Variants in GPC5 observed in about 807,000 individuals in gnomAD.
The protein encoded by GPC5 is glypican-5.
In GPC5, 47 loss-of-function variants were observed where a neutral mutation model predicts 53.9. The ratio of observed to expected loss-of-function variants is 0.87; its 90% CI spans 0.69 to 1.11. The LOEUF is 1.11. Ranked by LOEUF, GPC5 falls within the 50% of genes most tolerant of loss-of-function variation. GPC5 has a pLI of 0.00. For missense variants in GPC5, 748 were observed against 713.1 expected (o/e 1.05, Z -0.56); for synonymous variants, 286 against 263.3 (o/e 1.09, Z -0.84).
At chr13:92,693,472 T>A (rs1030390307) in intron 7 of GPC5, among the ~76,000 whole-genome samples, 2 of 152,164 alleles carry the variant, frequency 1.3e-5, no homozygotes, top group African/African-American at 4.8e-5. Flanking sequence ...AGTAACTTAC[T>A]GGAAACTGGA....
At chr13:92,638,002 G>C (rs533946336) in intron 7 of GPC5, among the ~76,000 whole-genome samples, 1 of 152,052 alleles carries the variant, frequency 6.6e-6, no homozygotes, top group Non-Finnish European at 1.5e-5. Context: ...ATTATCAATT[G>C]TAGTAAAAAA....
intron 1 of GPC5, 60 bp downstream of exon 1, chr13:91,399,269 CAG>C (rs1366736709): frequency 6.4e-7 from 1 of 1,562,948 alleles, no homozygotes; most frequent in Non-Finnish European, 8.7e-7. Context: ...TTCGCTCCCC[CAG>C]GCTCCCTTGG....
At chr13:92,122,127 CA>C (rs953837148) in intron 6 of GPC5, among the ~76,000 whole-genome samples, 4 of 152,106 alleles carry the variant, frequency 2.6e-5, no homozygotes, top group African/African-American at 9.7e-5. Flanking sequence ...AGATGCAGAT[CA>C]AGCAGTAATT....
At chr13:92,745,179 A>C (rs184596076) in intron 7 of GPC5, among the ~76,000 whole-genome samples, 1 of 152,230 alleles carries the variant, frequency 6.6e-6, no homozygotes, top group East Asian at 1.9e-4. Flanking sequence ...TGTATAAAGC[A>C]ATTCAGAACT....
intron 6 of GPC5, among the ~76,000 whole-genome samples, chr13:92,032,778 G>A (rs898770322): frequency 6.6e-6 from 1 of 152,146 alleles, no homozygotes; most frequent in African/African-American, 2.4e-5. Context: ...CATGGCCAAG[G>A]AGGCCCACAT....
intron 7 of GPC5, among the ~76,000 whole-genome samples, chr13:92,607,684 T>C (rs1884299905): frequency 6.6e-6 from 1 of 152,206 alleles, no homozygotes; most frequent in Non-Finnish European, 1.5e-5. Context: ...TTTTGTACAT[T>C]ATGTTTTCAA....
chr13:92,479,059 T>A (rs1261851445), intron 7 of GPC5, among the ~76,000 whole-genome samples: 1 of 152,186 alleles, frequency 6.6e-6, no homozygotes, highest in Non-Finnish European at 1.5e-5. Context: ...TTCTGTATTA[T>A]GTGGAGATGT....
intron 7 of GPC5, among the ~76,000 whole-genome samples, chr13:92,468,676 C>G (rs1372891363): frequency 4.6e-5 from 7 of 152,094 alleles, no homozygotes. Context: ...TAATGAAACA[C>G]ACACAAACAC....
intron 2 of GPC5, among the ~76,000 whole-genome samples, chr13:91,625,225 A>G (rs1566562469): frequency 6.6e-6 from 1 of 151,966 alleles, no homozygotes; most frequent in African/African-American, 2.4e-5. Context: ...ATAAAAAAAA[A>G]AAATCAATAA....
intron 7 of GPC5, among the ~76,000 whole-genome samples, chr13:92,735,586 G>A (rs1039166339): frequency 6.6e-6 from 1 of 151,932 alleles, no homozygotes; most frequent in African/African-American, 2.4e-5. Context: ...TATGCAAAGG[G>A]TAGGATTCTT....
intron 7 of GPC5, among the ~76,000 whole-genome samples, chr13:92,461,868 G>A (rs1878495105): frequency 6.6e-6 from 1 of 152,182 alleles, no homozygotes; most frequent in Non-Finnish European, 1.5e-5. Flanking sequence ...GTGGTAATTT[G>A]TTACAACAGC....
At chr13:91,650,623 C>T (rs1057141221) in intron 2 of GPC5, among the ~76,000 whole-genome samples, 3 of 151,972 alleles carry the variant, frequency 2.0e-5, no homozygotes, top group South Asian at 2.1e-4. Context: ...AGTTTTCAAC[C>T]TTTACTTAAT....
intron 7 of GPC5, among the ~76,000 whole-genome samples, chr13:92,600,537 A>G (rs1342500163): frequency 1.3e-5 from 2 of 151,742 alleles, no homozygotes; most frequent in Non-Finnish European, 1.5e-5. Flanking sequence ...CGCTCTTGTC[A>G]CCCAGGCTAG....
intron 7 of GPC5, among the ~76,000 whole-genome samples, chr13:92,418,194 G>A (rs1332069834): frequency 6.6e-6 from 1 of 152,128 alleles, no homozygotes; most frequent in African/African-American, 2.4e-5. Context: ...TAATGGGCAT[G>A]GGATTTCTTT....
intron 7 of GPC5, among the ~76,000 whole-genome samples, chr13:92,851,292 C>T (rs1328282943): frequency 3.3e-5 from 5 of 149,812 alleles, no homozygotes; most frequent in South Asian, 2.1e-4. Context: ...ATATCACCTA[C>T]CTACCTATAA....
At chr13:91,691,636 C>T (rs1055075589) in intron 2 of GPC5, among the ~76,000 whole-genome samples, 1 of 152,174 alleles carries the variant, frequency 6.6e-6, no homozygotes, top group African/African-American at 2.4e-5. Context: ...TAATATCTCA[C>T]ACTAAAGCCT....
intron 2 of GPC5, among the ~76,000 whole-genome samples, chr13:91,635,216 T>C (rs987989579): frequency 6.6e-6 from 1 of 152,124 alleles, no homozygotes; most frequent in Non-Finnish European, 1.5e-5. Flanking sequence ...GAAAAAGCCC[T>C]TTTATTTTGT....
At chr13:91,707,742 T>C (rs1311472287) in intron 3 of GPC5, among the ~76,000 whole-genome samples, 1 of 152,170 alleles carries the variant, frequency 6.6e-6, no homozygotes, top group Admixed American at 6.5e-5. Flanking sequence ...GGAAAACACT[T>C]TGGCAGTTCC....
chr13:92,268,770 C>A (rs2042820286), intron 7 of GPC5, among the ~76,000 whole-genome samples: 1 of 151,974 alleles, frequency 6.6e-6, no homozygotes, highest in Non-Finnish European at 1.5e-5. Context: ...TAAACAGTAT[C>A]AGGTTAAATT....
Sources: allele counts gnomAD v4.1 joint callset (sites outside exome capture counted in the v4.1 genomes callset), GRCh38; gene constraint gnomAD v4.1.1; transcripts MANE v1.5; gene names NCBI Gene and HGNC (gene_info 2026-07-23, HGNC 2026-07-21).